The following ADAMTSL1 variants were observed in gnomAD, a reference collection of about 807,000 sequenced individuals.
ADAMTSL1 encodes ADAMTS-like protein 1.
In ADAMTSL1, 126 loss-of-function variants were observed where a neutral mutation model predicts 201.8. The ratio of observed to expected loss-of-function variants is 0.62; its 90% confidence interval spans 0.54 to 0.72. ADAMTSL1 has a LOEUF of 0.72. Ranked by LOEUF, ADAMTSL1 falls within the 30% of genes least tolerant of loss-of-function variation. The pLI, the probability that ADAMTSL1 is intolerant of heterozygous loss-of-function variation, is 0.00. For missense variants in ADAMTSL1, 2,679 were observed against 2,277.8 expected (o/e 1.18, Z -3.59); for synonymous variants, 1,121 against 903.4 (o/e 1.24, Z -4.32).
chr9:18,359,573 A>T (rs1836411128), intron 2 of ADAMTSL1, among the ~76,000 whole-genome samples: 1 of 152,160 alleles, frequency 6.6e-6, no homozygotes, highest in Non-Finnish European at 1.5e-5. Flanking sequence ...TCCCATTCGG[A>T]TATGACTCTG....
At chr9:18,399,280 CATATATATATATATATATATATATAT>C (rs561622408) in intron 2 of ADAMTSL1, among the ~76,000 whole-genome samples, 708 of 31,020 alleles carry the variant, frequency 0.023, 40 homozygotes, top group East Asian at 0.093. Flanking sequence ...GTCTGCTTTA[CATATATATATATATATATATATATAT>C]ATATATATAT....
chr9:18,761,366 A>G (rs1354880656), intron 16 of ADAMTSL1, among the ~76,000 whole-genome samples: 1 of 152,210 alleles, frequency 6.6e-6, no homozygotes. Context: ...TTTTGTGTAG[A>G]GACGTAATTG....
chr9:18,844,339 G>A (rs1254703250), intron 23 of ADAMTSL1, among the ~76,000 whole-genome samples: 5 of 152,198 alleles, frequency 3.3e-5, no homozygotes, highest in Non-Finnish European at 7.3e-5. Flanking sequence ...AGCGGTGGCT[G>A]CAGAACAGTG....
intron 23 of ADAMTSL1, among the ~76,000 whole-genome samples, chr9:18,859,686 C>T (rs1197551696): frequency 6.6e-6 from 1 of 152,178 alleles, no homozygotes; most frequent in African/African-American, 2.4e-5. Context: ...CTACTTCAGT[C>T]ATGTAACCTA....
At chr9:18,110,207 G>A (rs1478998553) in intron 1 of ADAMTSL1, among the ~76,000 whole-genome samples, 1 of 152,182 alleles carries the variant, frequency 6.6e-6, no homozygotes, top group African/African-American at 2.4e-5. Flanking sequence ...TGCAGCCATT[G>A]GTTGGTCTCA....
intron 13 of ADAMTSL1, among the ~76,000 whole-genome samples, chr9:18,698,386 T>G (rs890183483): frequency 6.6e-6 from 1 of 152,094 alleles, no homozygotes; most frequent in African/African-American, 2.4e-5. Context: ...TGAGTTCAAG[T>G]GATTCTCCTG....
chr9:18,477,584 A>G (rs1421505129), intron 1 of ADAMTSL1, among the ~76,000 whole-genome samples: 1 of 152,202 alleles, frequency 6.6e-6, no homozygotes, highest in Non-Finnish European at 1.5e-5. Flanking sequence ...CAGTGTGTTC[A>G]TGTGCATGCA....
Position 18,829,966 on chromosome 9 carries a change from C to G in ADAMTSL1, c.4238C>G (p.Ser1413Cys). The change falls in exon 23 of 29, where the codon TCT (serine) becomes TGT (cysteine). Residue 1413 changes from serine (S) to cysteine (C), a missense_variant. Physicochemically the swap from Ser to Cys is moderately radical, Grantham distance 112 (BLOSUM62 -1). Transcript: ENST00000380548. ...GTQLVLDPGN[S>C]ALLGCPIKGH... ...CAGCTGGTCCTGGATCCTGGGAATT[C>G]TGCTCTCCTTGGTGAGTCTAACCCT... 6.2e-7 allele frequency: 1 copy of G among 1,611,226 alleles called. No individual in the cohort carries two copies. The highest frequency in any genetic ancestry group is 8.5e-7 in the Non-Finnish European group (1 of 1,178,808).
chr9:17,959,540 C>A (rs573924808), intron 1 of ADAMTSL1, among the ~76,000 whole-genome samples: 7 of 152,220 alleles, frequency 4.6e-5, no homozygotes, highest in East Asian at 1.9e-4. Flanking sequence ...CTCACTGCAA[C>A]CTCTGCCTCC....
chr9:18,388,590 C>T (rs1837904656), intron 2 of ADAMTSL1, among the ~76,000 whole-genome samples: 2 of 151,434 alleles, frequency 1.3e-5, no homozygotes, highest in African/African-American at 2.4e-5. Flanking sequence ...TTATATTTAA[C>T]AGAATTTTCC....
chr9:18,194,758 G>A (rs577932588), intron 2 of ADAMTSL1, among the ~76,000 whole-genome samples: 1 of 152,132 alleles, frequency 6.6e-6, no homozygotes, highest in South Asian at 2.1e-4. Flanking sequence ...CCCCTGTCCT[G>A]CTTCTCTTCT....
chr9:18,522,832 G>T (rs1587449973), intron 2 of ADAMTSL1, among the ~76,000 whole-genome samples: 1 of 151,984 alleles, frequency 6.6e-6, no homozygotes, highest in South Asian at 2.1e-4. Context: ...TCTTAATCCA[G>T]TTGATCATTC....
intron 2 of ADAMTSL1, among the ~76,000 whole-genome samples, chr9:18,243,773 C>T (rs1408922465): frequency 2.6e-5 from 4 of 152,098 alleles, no homozygotes; most frequent in Non-Finnish European, 2.9e-5. Context: ...TACCCCAAGG[C>T]TTCCTGATAT....
chr9:18,334,407 T>G (rs1316723622), intron 2 of ADAMTSL1, among the ~76,000 whole-genome samples: 1 of 152,204 alleles, frequency 6.6e-6, no homozygotes, highest in African/African-American at 2.4e-5. Context: ...TTAGTTCTTA[T>G]ATATTACATT....
intron 2 of ADAMTSL1, among the ~76,000 whole-genome samples, chr9:18,215,552 A>G (rs933600807): frequency 3.3e-5 from 5 of 152,230 alleles, no homozygotes; most frequent in African/African-American, 9.6e-5. Context: ...CTTGCTGACT[A>G]GCAATCAAAA....
At chr9:18,352,289 T>TA (rs1292424686) in intron 2 of ADAMTSL1, among the ~76,000 whole-genome samples, 9 of 152,170 alleles carry the variant, frequency 5.9e-5, no homozygotes, top group African/African-American at 2.2e-4. Context: ...TTTCAGGTGT[T>TA]ACTATATATG....
intron 1 of ADAMTSL1, among the ~76,000 whole-genome samples, chr9:17,995,797 G>A (rs1177218408): frequency 6.6e-6 from 1 of 151,210 alleles, no homozygotes; most frequent in African/African-American, 2.4e-5. Context: ...TATTATTTAT[G>A]GCATACTGGA....
intron 23 of ADAMTSL1, among the ~76,000 whole-genome samples, chr9:18,882,496 T>C (rs778553998): frequency 3.9e-5 from 6 of 152,226 alleles, no homozygotes; most frequent in Non-Finnish European, 8.8e-5. Context: ...ACGAGCATTT[T>C]ACTCCAGGCT....
chr9:18,786,137 C>A (rs1305168675), intron 19 of ADAMTSL1, among the ~76,000 whole-genome samples: 1 of 152,216 alleles, frequency 6.6e-6, no homozygotes, highest in Non-Finnish European at 1.5e-5. Flanking sequence ...GAAGAAAATA[C>A]TTATTTCTTC....
Sources: gnomAD v4.1 joint callset for allele counts (sites outside exome capture counted in the v4.1 genomes callset) on GRCh38, gnomAD v4.1.1 for gene constraint, MANE v1.5 for transcripts, NCBI Gene and HGNC (gene_info 2026-07-23, HGNC 2026-07-21) for gene names.